Variants in ATP2C1 observed in about 807,000 individuals in gnomAD.
The protein encoded by ATP2C1 is calcium-transporting ATPase type 2C member 1.
A neutral mutation model predicts 120.5 loss-of-function variants in ATP2C1; 31 were observed. The observed-to-expected ratio is 0.26, with a 90% CI of 0.19 to 0.35. The LOEUF is 0.35. ATP2C1 is among the 10% of genes least tolerant of loss of function. The pLI, the probability that ATP2C1 is intolerant of heterozygous loss-of-function variation, is 1.00. For missense variants in ATP2C1, 731 were observed against 1,107.5 expected, an observed-to-expected ratio of 0.66 and a Z score of 4.83; for synonymous variants, 351 against 358.7, an observed-to-expected ratio of 0.98 and a Z score of 0.24.
At position 130,911,402 on chromosome 3, in the gene ATP2C1, C is replaced by T. The variant is rs1449298889; in HGVS notation, c.6+16627C>T. Among the ~76,000 whole-genome samples, 8 of 150,834 alleles carry T rather than the reference C, an allele frequency of 5.3e-5. No individual in the cohort carries two copies. In the South Asian group the frequency reaches 1.7e-3, roughly 32 times the overall value. ...TGTTGATCCTTTCAAAAAACCAGCTCCTGGATTCATTGATTTTTTTGAAGG... is the reference window on the plus strand; with the variant it reads ...TGTTGATCCTTTCAAAAAACCAGCTTCTGGATTCATTGATTTTTTTGAAGG... On this transcript the variant is annotated intron_variant, in intron 2 of 27. Transcript: ENST00000510168.
intron 12 of ATP2C1, chr3:130,963,069 GA>G (rs1467533343): frequency 6.6e-6 from 1 of 151,932 alleles, no homozygotes; most frequent in African/African-American, 2.4e-5. Context: ...AGCAGATCAA[GA>G]AATAGTATTT....
intron 7 of ATP2C1, among the ~76,000 whole-genome samples, chr3:130,941,291 T>C (rs940762382): frequency 6.7e-6 from 1 of 148,872 alleles, no homozygotes; most frequent in Admixed American, 6.6e-5. Context: ...CACGCGCGCA[T>C]GCATGCGCGT....
At chr3:130,929,724 T>TTA (rs959229722) in intron 2 of ATP2C1, 1 of 153,994 alleles carries the variant, frequency 6.5e-6, no homozygotes, top group Non-Finnish European at 1.4e-5. Flanking sequence ...TAGAGTTGTG[T>TTA]TAAACAGTTT....
chr3:130,940,660 T>C lies in ATP2C1; in HGVS notation c.391T>C (p.Leu131=), dbSNP rs746822315. ...EYRSEKSLEE[L]SKLVPPECHC... is the part of the protein sequence containing the mutation. The stretch of plus-strand genomic sequence containing the variant: ...TCGTTCAGAAAAATCTCTTGAAGAA[T>C]TGAGTAAACTTGTGCCACCAGAATG... Residue 131 remains leucine, a synonymous_variant, in exon 7 of 28, where the codon TTG becomes CTG. Transcript: ENST00000510168. 2.5e-6 allele frequency: 4 copies of C among 1,612,786 alleles called. No individual in the cohort carries two copies. The highest frequency in any genetic ancestry group is 2.5e-6 in the Non-Finnish European group (3 of 1,179,032).
rs559693193 is a variant in ATP2C1, at chr3:130,983,771, C to T, written c.1839+3092C>T. Among the ~76,000 whole-genome samples the T allele has an allele frequency of 5.3e-5, 8 of 152,282 alleles. No individual in the cohort carries two copies. The South Asian group carries it at 1.7e-3, about 32-fold the overall frequency. On this transcript the variant is annotated intron_variant, in intron 20 of 27. Transcript: ENST00000510168. Reference sequence around the variant, plus strand: ...TGGTTGGAATAATATCATATGTAGCCTTTGCAGACTGGATTTTTTTCACTA... The same window carrying T: ...TGGTTGGAATAATATCATATGTAGCTTTTGCAGACTGGATTTTTTTCACTA...
chr3:130,924,604 G>T lies in ATP2C1; in HGVS notation c.7-5812G>T, dbSNP rs182050961. Among the ~76,000 whole-genome samples the T allele has an allele frequency of 2.2e-3, 332 of 152,214 alleles. 1 individual carries two copies. The highest frequency in any genetic ancestry group is 7.6e-3 in the African/African-American group (315 of 41,526). ...GTATTTTTGAGCCTCTTGAGATTTG[G>T]ATGTCTAGATCTCTAGCAAGACCGG... On this transcript the variant is annotated intron_variant, in intron 2 of 27. Coordinates refer to ENST00000510168, the MANE Select transcript of ATP2C1 (RefSeq NM_001378687.1).
At chr3:130,893,330 A>G (rs1321969482), upstream of ATP2C1, among the ~76,000 whole-genome samples, 3 of 152,190 alleles carry the variant, frequency 2.0e-5, no homozygotes, top group East Asian at 5.8e-4. Flanking sequence ...CCAGTTCCAT[A>G]TACCACAAAC....
At chr3:130,958,977 AAT>A (rs1435010329) in intron 11 of ATP2C1, among the ~76,000 whole-genome samples, 2 of 152,142 alleles carry the variant, frequency 1.3e-5, no homozygotes, top group East Asian at 3.9e-4. Context: ...AAAATAATAA[AAT>A]ATTACTGCTT....
chr3:131,012,771 C>T lies in ATP2C1; in HGVS notation c.2630-3381C>T, dbSNP rs528277893. Among the ~76,000 whole-genome samples, 115 of 152,214 alleles carry T rather than the reference C, an allele frequency of 7.6e-4. 1 individual carries two copies. The highest frequency in any genetic ancestry group is 2.6e-3 in the African/African-American group (107 of 41,530). Reference sequence around the variant, plus strand: ...TAAAAATTTCCTTATTTCAAGAACTCTTATTTAACAAAGTAATTGTTAGGG... The same window carrying T: ...TAAAAATTTCCTTATTTCAAGAACTTTTATTTAACAAAGTAATTGTTAGGG... On this transcript the variant is annotated intron_variant, in intron 26 of 26. Coordinates refer to the ATP2C1 transcript ENST00000328560.
intron 2 of ATP2C1, among the ~76,000 whole-genome samples, chr3:130,911,531 A>T (rs907265280): frequency 4.4e-4 from 67 of 150,748 alleles, no homozygotes; most frequent in Non-Finnish European, 8.7e-4. Flanking sequence ...AGTTCTTTTA[A>T]TTGTGATGTT....
chr3:130,925,296 C>T (rs1664090159), intron 2 of ATP2C1, among the ~76,000 whole-genome samples: 1 of 152,190 alleles, frequency 6.6e-6, no homozygotes, highest in African/African-American at 2.4e-5. Context: ...CCCCTTTCCC[C>T]TAGGAATGGG....
chr3:130,941,689 G>A lies in ATP2C1; in HGVS notation c.521G>A (p.Arg174His), dbSNP rs1395779121. 6 of 1,613,222 alleles carry A rather than the reference G, an allele frequency of 3.7e-6. No individual in the cohort carries two copies. Among genetic ancestry groups the A allele is most frequent in the African/African-American group, 1.3e-5 (1 of 74,856 alleles). ...GGGGATAGAGTTCCTGCTGACTTAC[G>A]CTTGTTTGAGGTAAATTTGGGATCT... is the stretch of plus-strand genomic sequence containing the variant. ...SVGDRVPADL[R>H]LFEAVDLSID... Residue 174 changes from arginine to histidine, a missense_variant, in exon 8 of 28, where the codon CGC becomes CAC. Physicochemically the swap from Arg to His is conservative, Grantham distance 29 (BLOSUM62 0). Around this residue, in one of 3 missense-constraint regions of ATP2C1, gnomAD observed 571 missense variants for 845.9 expected, o/e 0.67. Coordinates refer to ENST00000510168, the MANE Select transcript of ATP2C1 (RefSeq NM_001378687.1).
intron 26 of ATP2C1, 123 bp downstream of exon 26, chr3:130,998,512 C>T (rs909014427): frequency 8.0e-6 from 6 of 745,714 alleles, no homozygotes; most frequent in Non-Finnish European, 1.4e-5. Context: ...AGATTGCAGC[C>T]CCAGACACAG....
intron 10 of ATP2C1, among the ~76,000 whole-genome samples, chr3:130,955,589 A>G (rs1422009156): frequency 6.6e-6 from 1 of 152,214 alleles, no homozygotes; most frequent in Non-Finnish European, 1.5e-5. Flanking sequence ...GTTCTCCCCA[A>G]ATCCTCTGGA....
chr3:130,965,130 T>G (rs950507319), intron 14 of ATP2C1, 85 bp downstream of exon 14: 5 of 917,256 alleles, frequency 5.5e-6, no homozygotes, highest in Non-Finnish European at 8.9e-6. Context: ...TTCCAGTGTC[T>G]TACCTTCAAA....
At chr3:130,865,235 G>T (rs1002336277) in intron 1 of ATP2C1, among the ~76,000 whole-genome samples, 1 of 152,102 alleles carries the variant, frequency 6.6e-6, no homozygotes, top group Non-Finnish European at 1.5e-5. Flanking sequence ...TATGGGCCTC[G>T]TAACCCCTTT....
chr3:130,915,684 C>T (rs919927876), intron 2 of ATP2C1, among the ~76,000 whole-genome samples: 1 of 151,974 alleles, frequency 6.6e-6, no homozygotes, highest in Non-Finnish European at 1.5e-5. Context: ...TTGTCGCAAG[C>T]CAACACAAAA....
intron 8 of ATP2C1, among the ~76,000 whole-genome samples, chr3:130,945,487 TA>T (rs11303032): frequency 0.91 from 129,846 of 143,254 alleles, 59,102 homozygotes; most frequent in Non-Finnish European, 0.95. Context: ...TTACATTAGA[TA>T]ATATCTCCTA....
exon 1 of ATP2C1, chr3:130,850,683 G>T (rs2067649461): frequency 4.3e-6 from 2 of 464,592 alleles, no homozygotes. Context: ...ACAGCAAGGA[G>T]AACATTTGCT....
Sources: gnomAD v4.1 joint callset for allele counts (sites outside exome capture counted in the v4.1 genomes callset) on GRCh38, gnomAD v4.1.1 for gene constraint, gnomAD v4.1.1 regional missense constraint, MANE v1.5 for transcripts, NCBI Gene and HGNC (gene_info 2026-07-23, HGNC 2026-07-21) for gene names.